CAMKK1: variants seen among roughly 807,000 people sequenced by gnomAD.
CAMKK1 encodes calcium/calmodulin-dependent protein kinase kinase 1.
CAMKK1 carries 20 observed loss-of-function variants against 63.5 expected under a neutral mutation model. That is an observed-to-expected ratio of 0.32 (90% CI 0.22 to 0.46). CAMKK1 has a LOEUF of 0.46. CAMKK1 is among the 20% of genes least tolerant of loss of function. The pLI, the probability that CAMKK1 is intolerant of heterozygous loss-of-function variation, is 1.00. For synonymous variants in CAMKK1, 253 were observed against 269.0 expected (o/e 0.94, Z 0.58); for missense variants, 588 against 658.1 (o/e 0.89, Z 1.17).
chr17:3,871,835 G>A (rs990270938), intron 12 of CAMKK1, among the ~76,000 whole-genome samples: 7 of 151,710 alleles, frequency 4.6e-5, no homozygotes, highest in Non-Finnish European at 8.8e-5. Flanking sequence ...TAGTAGAGAT[G>A]GGGTTTCACC....
intron 10 of CAMKK1, among the ~76,000 whole-genome samples, chr17:3,875,796 C>T (rs560912449): frequency 9.2e-5 from 14 of 152,308 alleles, no homozygotes; most frequent in East Asian, 7.7e-4. Context: ...CTCTGCCCCC[C>T]ACCCTGAGCC....
intron 14 of CAMKK1, among the ~76,000 whole-genome samples, chr17:3,867,811 A>AGGGGC (rs1276580383): frequency 6.6e-6 from 1 of 152,130 alleles, no homozygotes; most frequent in Non-Finnish European, 1.5e-5. Context: ...ACTGTCAGGC[A>AGGGGC]GGGGCAGGGC....
intron 9 of CAMKK1, among the ~76,000 whole-genome samples, chr17:3,878,255 A>T (rs140187691): frequency 6.6e-6 from 1 of 152,072 alleles, no homozygotes; most frequent in African/African-American, 2.4e-5. Flanking sequence ...TTGGGGCCAG[A>T]ATCACAAGGC....
intron 12 of CAMKK1, 75 bp downstream of exon 12, chr17:3,872,479 G>T: frequency 7.6e-7 from 1 of 1,310,366 alleles, no homozygotes; most frequent in Non-Finnish European, 1.1e-6. Flanking sequence ...GGTCCTCAGA[G>T]GGCAAAAGCT....
chr17:3,888,077 G>A lies in CAMKK1; in HGVS notation c.-43-2347C>T, dbSNP rs115023616. ...AGACAGATGAGAAAGCAGCCTCAGA[G>A]AGGCAACCCCAGCAAGCCTCAGGCC... On this transcript the variant is annotated intron_variant, in intron 1 of 15. Transcript: ENST00000348335. Among the ~76,000 whole-genome samples the A allele has an allele frequency of 7.0e-3, 1,067 of 152,270 alleles. 15 individuals are homozygous for A. Among genetic ancestry groups the A allele is most frequent in the African/African-American group, 0.024 (1,004 of 41,556 alleles).
intron 9 of CAMKK1, among the ~76,000 whole-genome samples, chr17:3,877,221 C>G (rs1249649811): frequency 1.3e-5 from 2 of 152,160 alleles, no homozygotes; most frequent in South Asian, 4.1e-4. Flanking sequence ...CTCTGCTATC[C>G]TACAGAGGTA....
chr17:3,866,972 T>C (rs534374008), intron 14 of CAMKK1, among the ~76,000 whole-genome samples: 2 of 152,270 alleles, frequency 1.3e-5, no homozygotes, highest in Admixed American at 6.5e-5. Context: ...CCTCCCGCCT[T>C]GGCCTCCCAA....
intron 1 of CAMKK1, among the ~76,000 whole-genome samples, chr17:3,888,447 C>T (rs574112412): frequency 6.6e-6 from 1 of 152,376 alleles, no homozygotes; most frequent in East Asian, 1.9e-4. Context: ...TGCACCCTTT[C>T]CTGGCTGGGA....
chr17:3,871,942 G>A (rs12600636), intron 12 of CAMKK1, among the ~76,000 whole-genome samples: 13,145 of 152,214 alleles, frequency 0.086, 890 homozygotes, highest in East Asian at 0.28. Context: ...CACCGCACCC[G>A]GCCTCCATTT....
intron 14 of CAMKK1, among the ~76,000 whole-genome samples, chr17:3,869,250 C>T (rs1425955737): frequency 6.6e-6 from 1 of 152,238 alleles, no homozygotes; most frequent in East Asian, 1.9e-4. Flanking sequence ...AGCCACCGCG[C>T]CCGGCCCCAC....
At position 3,885,353 on chromosome 17, in the gene CAMKK1, T is replaced by C; in HGVS notation, c.335A>G (p.His112Arg). ...CTCTGCATCTGAGATGGCCACGTGG[T>C]GGGACTCGATGGTGGGCCTCCGCCA... ...RAWRRPTIES[H>R]HVAISDAEDC... The change falls in exon 2 of 16, where the codon CAC becomes CGC. Residue 112 changes from histidine to arginine, a missense_variant. His to Arg is a conservative substitution (Grantham distance 29). Transcript: ENST00000348335. The C allele has an allele frequency of 6.2e-7, 1 of 1,601,982 alleles. No individual in the cohort carries two copies. Among genetic ancestry groups the C allele is most frequent in the Non-Finnish European group, 8.5e-7 (1 of 1,172,378 alleles).
At position 3,880,893 on chromosome 17, in the gene CAMKK1, T is replaced by C. The variant is rs542892448; in HGVS notation, c.708-459A>G. Among the ~76,000 whole-genome samples the C allele has an allele frequency of 8.6e-5, 13 of 151,964 alleles. No homozygotes were observed. In the South Asian group the frequency reaches 1.7e-3, roughly 19 times the overall value. ...TTTCAGTTACAGATATGGATAGCAA[T>C]AGAAATATATATTTCTTGTTTTGGA... On this transcript the variant is annotated intron_variant, in intron 8 of 15. Coordinates refer to ENST00000348335, the MANE Select transcript of CAMKK1 (RefSeq NM_032294.3).
At chr17:3,867,090 A>G (rs768314991) in intron 14 of CAMKK1, among the ~76,000 whole-genome samples, 4 of 152,210 alleles carry the variant, frequency 2.6e-5, no homozygotes, top group Non-Finnish European at 5.9e-5. Flanking sequence ...TAAATTATGT[A>G]TGTCAGTAAG....
intron 10 of CAMKK1, among the ~76,000 whole-genome samples, chr17:3,875,860 A>G (rs551437705): frequency 1.1e-4 from 17 of 151,666 alleles, no homozygotes; most frequent in Non-Finnish European, 2.5e-4. Flanking sequence ...GATCCTCCCC[A>G]TTCTTCAAGG....
chr17:3,884,309 A>G lies in CAMKK1; in HGVS notation c.408+71T>C. 3 of 1,530,462 alleles carry G rather than the reference A, an allele frequency of 2.0e-6. No individual in the cohort carries two copies. Among genetic ancestry groups the G allele is most frequent in the Non-Finnish European group, 2.7e-6 (3 of 1,105,532 alleles). 94.8% of individuals were successfully genotyped at this position (1,530,462 alleles called of 1,614,324 possible). On this transcript the variant is annotated intron_variant, in intron 3 of 15. Transcript: ENST00000348335. This position sits in a 1 kb window ranked among gnomAD's most constrained non-coding sequence, Gnocchi z 4.5. ...CTGGCTCTGCCTCCCGTTCCCTCCCACACGAGAGAAGGAGCAGCGCCAAAC... is the reference window on the plus strand; with the variant it reads ...CTGGCTCTGCCTCCCGTTCCCTCCCGCACGAGAGAAGGAGCAGCGCCAAAC...
chr17:3,876,650 T>C (rs1464118566), intron 9 of CAMKK1, among the ~76,000 whole-genome samples: 1 of 152,070 alleles, frequency 6.6e-6, no homozygotes, highest in African/African-American at 2.4e-5. Flanking sequence ...TTAGGAGTCT[T>C]TGGACTCCAA....
Position 3,887,888 on chromosome 17 carries a change from C to G in CAMKK1, c.-43-2158G>C, listed in dbSNP as rs2055725212. Among the ~76,000 whole-genome samples the G allele has an allele frequency of 1.3e-5, 2 of 152,196 alleles. No homozygotes were observed. The highest frequency in any genetic ancestry group is 4.8e-5 in the African/African-American group (2 of 41,454). ...CCCTCCGCCCCTTCCCCTCACTCCG[C>G]ATGCCTTGTTTTTCCCTCCCGAATG... On this transcript the variant is annotated intron_variant, in intron 1 of 15. Coordinates refer to ENST00000348335, the MANE Select transcript of CAMKK1 (RefSeq NM_032294.3). This position sits in a 1 kb window ranked among gnomAD's most constrained non-coding sequence, Gnocchi z 6.1.
chr17:3,877,588 G>A (rs1393295030), intron 9 of CAMKK1, among the ~76,000 whole-genome samples: 3 of 152,160 alleles, frequency 2.0e-5, no homozygotes. Context: ...GAGAGAAGGC[G>A]AGAGAAGAAA....
At chr17:3,885,188 T>G in intron 2 of CAMKK1, 140 bp downstream of exon 2, 1 of 1,015,462 alleles carries the variant, frequency 9.8e-7, no homozygotes, top group Admixed American at 3.1e-5. Flanking sequence ...GAAGCTATAT[T>G]GTTAGGTAGT....
Sources: allele counts gnomAD v4.1 joint callset (sites outside exome capture counted in the v4.1 genomes callset), GRCh38; gene constraint gnomAD v4.1.1; non-coding constraint Gnocchi (gnomAD v3.1); transcripts MANE v1.5; gene names NCBI Gene and HGNC (gene_info 2026-07-23, HGNC 2026-07-21).